The following DCC variants were observed in gnomAD, a reference collection of about 807,000 sequenced individuals.
DCC encodes the protein netrin receptor DCC.
In DCC, 58 loss-of-function variants were observed where a neutral mutation model predicts 172.5. The ratio of observed to expected loss-of-function variants is 0.34; its 90% CI spans 0.27 to 0.42. DCC has a LOEUF of 0.42. Among genes scored for constraint, DCC ranks in the 10% least tolerant of loss-of-function variants. The pLI is 1.00. For synonymous variants in DCC, 709 were observed against 644.5 expected, an observed-to-expected ratio of 1.10 and a Z score of -1.52; for missense variants, 1,740 against 1,791.0, an observed-to-expected ratio of 0.97 and a Z score of 0.51.
chr18:53,427,640 G>A (rs1470753113), intron 21 of DCC, among the ~76,000 whole-genome samples: 1 of 150,746 alleles, frequency 6.6e-6, no homozygotes, highest in Non-Finnish European at 1.5e-5. Flanking sequence ...TTAAGAAGGA[G>A]GTTAACTACT....
chr18:53,375,045 A>G (rs2058095734), intron 15 of DCC, among the ~76,000 whole-genome samples: 1 of 152,152 alleles, frequency 6.6e-6, no homozygotes, highest in Non-Finnish European at 1.5e-5. Flanking sequence ...GAATCTGAGC[A>G]CTGCTACTTA....
intron 5 of DCC, among the ~76,000 whole-genome samples, chr18:53,034,081 TC>T (rs1568258617): frequency 6.6e-6 from 1 of 151,992 alleles, no homozygotes; most frequent in Non-Finnish European, 1.5e-5. Flanking sequence ...ACTTCTCTTC[TC>T]TCTTTTTGAG....
intron 27 of DCC, among the ~76,000 whole-genome samples, chr18:53,507,144 T>A (rs544284442): frequency 1.3e-5 from 2 of 151,504 alleles, no homozygotes; most frequent in Non-Finnish European, 2.9e-5. Context: ...ATTTTGAGAC[T>A]CATGGTATAC....
At position 53,467,454 on chromosome 18, in the gene DCC, C is replaced by A. The variant is rs538649985; in HGVS notation, c.3620-440C>A. Among the ~76,000 whole-genome samples the A allele has an allele frequency of 1.3e-3, 195 of 151,810 alleles. 1 individual carries two copies. The highest frequency in any genetic ancestry group is 4.6e-3 in the African/African-American group (190 of 41,382). ...TGTAATAAAATTTAATATGGTTGGGCTTAAAGTATTAGTTGAATGAATTCT... is the reference window on the plus strand; with the variant it reads ...TGTAATAAAATTTAATATGGTTGGGATTAAAGTATTAGTTGAATGAATTCT... On this transcript the variant is annotated intron_variant, in intron 24 of 28. Transcript: ENST00000442544.
chr18:52,456,002 T>C (rs1419918617), intron 1 of DCC, among the ~76,000 whole-genome samples: 1 of 152,222 alleles, frequency 6.6e-6, no homozygotes. Flanking sequence ...AAAGGTTAAC[T>C]TTTGGTTTTC....
Position 53,103,929 on chromosome 18 carries a change from G to A in DCC, c.1261+37763G>A, listed in dbSNP as rs190383777. ...AAACACAGCTGGACTAGGGAGAGGT[G>A]AGTGAGGCACTTTCTTGGGGTATAC... is the stretch of plus-strand genomic sequence containing the variant. On this transcript the variant is annotated intron_variant, in intron 7 of 28. Transcript: ENST00000442544. 2.9e-3 allele frequency among the ~76,000 whole-genome samples: 442 copies of A among 152,090 alleles called. 5 individuals carry two copies. Among genetic ancestry groups the A allele is most frequent in the Admixed American group, 0.021 (324 of 15,252 alleles).
At chr18:52,402,372 T>C (rs1464409005) in intron 1 of DCC, among the ~76,000 whole-genome samples, 2 of 151,978 alleles carry the variant, frequency 1.3e-5, no homozygotes, top group Non-Finnish European at 2.9e-5. Context: ...TGGGCCTCTA[T>C]CGCATGTTTT....
intron 22 of DCC, 37 bp from the exon 23 acceptor site, chr18:53,450,463 T>G: frequency 6.2e-7 from 1 of 1,612,358 alleles, no homozygotes; most frequent in Non-Finnish European, 8.5e-7. Flanking sequence ...TGCCACATCT[T>G]CCTAAACCTG....
intron 19 of DCC, among the ~76,000 whole-genome samples, chr18:53,406,797 A>G (rs1419695573): frequency 6.6e-6 from 1 of 152,026 alleles, no homozygotes; most frequent in African/African-American, 2.4e-5. Flanking sequence ...GTGTGGTTAT[A>G]TAGAAATTTA....
chr18:53,048,561 G>A (rs2042290793), intron 5 of DCC, among the ~76,000 whole-genome samples: 2 of 136,822 alleles, frequency 1.5e-5, no homozygotes, highest in African/African-American at 3.0e-5. Context: ...ATGCATATGT[G>A]TATATGTATG....
intron 1 of DCC, among the ~76,000 whole-genome samples, chr18:52,724,915 T>C (rs1228395717): frequency 1.3e-5 from 2 of 152,198 alleles, no homozygotes; most frequent in South Asian, 2.1e-4. Context: ...CAAATAAAAC[T>C]GTTTTCTCTT....
intron 5 of DCC, chr18:52,931,666 T>C: frequency 6.6e-6 from 1 of 152,130 alleles, no homozygotes; most frequent in East Asian, 1.9e-4. Flanking sequence ...TCATTAAGCT[T>C]TTTGGAGATA....
intron 2 of DCC, among the ~76,000 whole-genome samples, chr18:52,838,122 C>T (rs372699950): frequency 4.6e-5 from 7 of 152,130 alleles, no homozygotes; most frequent in South Asian, 2.1e-4. Flanking sequence ...TGGGTGAGGA[C>T]GCAGCCAAAC....
At chr18:52,693,911 T>C (rs775171105) in intron 1 of DCC, among the ~76,000 whole-genome samples, 103 of 152,104 alleles carry the variant, frequency 6.8e-4, no homozygotes, top group Middle Eastern at 3.2e-3. Context: ...GAAGAAGTCA[T>C]AAATCTTTCT....
At chr18:53,520,424 G>C (rs1285265509) in intron 27 of DCC, among the ~76,000 whole-genome samples, 1 of 152,086 alleles carries the variant, frequency 6.6e-6, no homozygotes, top group Non-Finnish European at 1.5e-5. Flanking sequence ...TGGTGTAGAA[G>C]ATGGATTGAG....
chr18:53,210,807 T>C (rs1426773676), intron 11 of DCC, among the ~76,000 whole-genome samples: 2 of 152,232 alleles, frequency 1.3e-5, no homozygotes, highest in Non-Finnish European at 2.9e-5. Flanking sequence ...TATGTTTTTT[T>C]TTCCCTGTTC....
At chr18:53,037,161 C>T (rs1360276112) in intron 5 of DCC, among the ~76,000 whole-genome samples, 1 of 151,908 alleles carries the variant, frequency 6.6e-6, no homozygotes, top group Non-Finnish European at 1.5e-5. Context: ...GAGTTCCATC[C>T]CACAGCTAGA....
At chr18:53,058,157 T>C (rs2042438795) in intron 5 of DCC, among the ~76,000 whole-genome samples, 2 of 152,166 alleles carry the variant, frequency 1.3e-5, no homozygotes, top group African/African-American at 4.8e-5. Flanking sequence ...AGTCAGTTTT[T>C]CTATCTGTAA....
intron 9 of DCC, among the ~76,000 whole-genome samples, chr18:53,186,363 C>G (rs1348492536): frequency 4.6e-5 from 7 of 152,122 alleles, no homozygotes; most frequent in Non-Finnish European, 1.0e-4. Flanking sequence ...ATATGCCCTA[C>G]TAAACGTGAA....
Sources: allele counts gnomAD v4.1 joint callset (sites outside exome capture counted in the v4.1 genomes callset), GRCh38; gene constraint gnomAD v4.1.1; transcripts MANE v1.5; gene names NCBI Gene and HGNC (gene_info 2026-07-23, HGNC 2026-07-21).